PROS1: variants seen among roughly 807,000 people sequenced by gnomAD.
PROS1 encodes vitamin K-dependent protein S.
A neutral mutation model predicts 75.9 loss-of-function variants in PROS1; 29 were observed. The observed-to-expected ratio is 0.38, with a 90% CI of 0.28 to 0.52. The LOEUF is 0.52. Ranked by LOEUF, PROS1 falls within the 20% of genes least tolerant of loss-of-function variation. PROS1 has a pLI of 0.83. For missense variants in PROS1, 680 were observed against 810.3 expected, an observed-to-expected ratio of 0.84 and a Z score of 1.95; for synonymous variants, 245 against 280.6, an observed-to-expected ratio of 0.87 and a Z score of 1.27.
chr3:93,919,166 C>T (rs148147636), intron 3 of PROS1, among the ~76,000 whole-genome samples: 8 of 152,260 alleles, frequency 5.3e-5, no homozygotes, highest in African/African-American at 1.9e-4. Context: ...TTAGTACCTG[C>T]ATAACAATTT....
chr3:93,887,607 G>A (rs1708368541), intron 10 of PROS1, among the ~76,000 whole-genome samples: 1 of 152,206 alleles, frequency 6.6e-6, no homozygotes, highest in Admixed American at 6.5e-5. Context: ...CAAATTTAAA[G>A]TTGGTCAACA....
At chr3:93,917,975 C>T (rs762555711) in intron 3 of PROS1, among the ~76,000 whole-genome samples, 90 of 152,172 alleles carry the variant, frequency 5.9e-4, no homozygotes, top group South Asian at 2.1e-4. Context: ...TGCGGGCACA[C>T]GGCTTGGGAC....
intron 10 of PROS1, among the ~76,000 whole-genome samples, chr3:93,887,055 A>G (rs575665070): frequency 9.9e-5 from 15 of 151,352 alleles, no homozygotes; most frequent in African/African-American, 3.4e-4. Flanking sequence ...AGTAGCTGGG[A>G]CTACAGGCGC....
chr3:93,937,861 T>C (rs1482595472), intron 1 of PROS1, among the ~76,000 whole-genome samples: 3 of 152,122 alleles, frequency 2.0e-5, no homozygotes, highest in East Asian at 3.9e-4. Flanking sequence ...AGAGTTATAA[T>C]GGAAATAAGA....
intron 1 of PROS1, among the ~76,000 whole-genome samples, chr3:93,957,178 CTT>C (rs575805872): frequency 2.0e-5 from 3 of 152,078 alleles, no homozygotes; most frequent in African/African-American, 7.2e-5. Context: ...GTGATATAGA[CTT>C]TAACTTACTG....
At chr3:93,901,246 C>T (rs1343650990) in intron 6 of PROS1, among the ~76,000 whole-genome samples, 2 of 152,146 alleles carry the variant, frequency 1.3e-5, no homozygotes, top group African/African-American at 2.4e-5. Flanking sequence ...AAAACAGATT[C>T]ACTCCATATT....
At chr3:93,879,107 A>C in intron 13 of PROS1, 56 bp downstream of exon 13, 1 of 1,506,604 alleles carries the variant, frequency 6.6e-7, no homozygotes, top group East Asian at 2.3e-5. Context: ...TGCTATGTAT[A>C]CATTTTAAAA....
chr3:93,933,499 C>T (rs564980426), intron 1 of PROS1, among the ~76,000 whole-genome samples: 136 of 151,438 alleles, frequency 9.0e-4, no homozygotes, highest in African/African-American at 3.2e-3. Context: ...CGCTTGAGCC[C>T]AGAAGGTTGA....
At chr3:93,952,655 CACA>C (rs1334991942) in intron 1 of PROS1, among the ~76,000 whole-genome samples, 1 of 152,118 alleles carries the variant, frequency 6.6e-6, no homozygotes, top group Non-Finnish European at 1.5e-5. Flanking sequence ...ACCCTAACAG[CACA>C]ACTAAAAGAA....
At chr3:93,917,621 G>A (rs1253365843) in intron 3 of PROS1, among the ~76,000 whole-genome samples, 6 of 152,118 alleles carry the variant, frequency 3.9e-5, no homozygotes, top group Non-Finnish European at 8.8e-5. Context: ...GGAGGGAAAG[G>A]CGCGAGGGGG....
intron 1 of PROS1, among the ~76,000 whole-genome samples, chr3:93,963,928 G>A (rs1709746664): frequency 6.6e-6 from 1 of 152,132 alleles, no homozygotes; most frequent in Non-Finnish European, 1.5e-5. Flanking sequence ...CAGGAAGTCA[G>A]GGACCCTGAA....
chr3:93,924,042 A>G (rs1163831174), intron 3 of PROS1, among the ~76,000 whole-genome samples, 198 bp downstream of exon 3: 4 of 152,338 alleles, frequency 2.6e-5, no homozygotes, highest in Non-Finnish European at 5.9e-5. Context: ...AAAATGTCAC[A>G]TGGTAATTAA....
chr3:93,952,841 T>G (rs944535346), intron 1 of PROS1, among the ~76,000 whole-genome samples: 29 of 151,824 alleles, frequency 1.9e-4, no homozygotes, highest in Non-Finnish European at 4.1e-4. Flanking sequence ...GTGAGACTAA[T>G]AAAGAAGAAA....
intron 8 of PROS1, 69 bp downstream of exon 8, chr3:93,898,379 T>A: frequency 1.3e-6 from 2 of 1,561,066 alleles, no homozygotes; most frequent in Non-Finnish European, 1.8e-6. Context: ...CTTAGCTATG[T>A]GAAAATAAGT....
At chr3:93,912,905 G>T (rs1251494590) in intron 3 of PROS1, among the ~76,000 whole-genome samples, 4 of 152,068 alleles carry the variant, frequency 2.6e-5, no homozygotes, top group Non-Finnish European at 5.9e-5. Flanking sequence ...CTTTTTGAGG[G>T]TCACATTCAA....
At chr3:93,958,168 A>T (rs1310372376) in intron 1 of PROS1, among the ~76,000 whole-genome samples, 1 of 152,162 alleles carries the variant, frequency 6.6e-6, no homozygotes, top group African/African-American at 2.4e-5. Flanking sequence ...ATTTTTACTT[A>T]TATGTTTTTG....
chr3:93,970,305 G>T (rs1709857274), intron 1 of PROS1, among the ~76,000 whole-genome samples: 1 of 152,080 alleles, frequency 6.6e-6, no homozygotes, highest in Non-Finnish European at 1.5e-5. Context: ...CCTTAAGTGG[G>T]AAATGATTAA....
intron 1 of PROS1, among the ~76,000 whole-genome samples, chr3:93,941,990 A>G (rs910395855): frequency 2.0e-5 from 3 of 152,054 alleles, no homozygotes; most frequent in African/African-American, 4.8e-5. Context: ...AGCCTCCCAC[A>G]TTATTCTGAA....
chr3:93,879,451 A>G, intron 12 of PROS1, 137 bp from the exon 13 acceptor site: 2 of 1,256,782 alleles, frequency 1.6e-6, no homozygotes, highest in Non-Finnish European at 2.3e-6. Context: ...TCAATGATCT[A>G]TATAACCTAG....
Sources: allele counts gnomAD v4.1 joint callset (sites outside exome capture counted in the v4.1 genomes callset), GRCh38; gene constraint gnomAD v4.1.1; transcripts MANE v1.5; gene names NCBI Gene and HGNC (gene_info 2026-07-23, HGNC 2026-07-21).